The following SERPINB3 variants were observed in gnomAD, a reference collection of about 807,000 sequenced individuals.
SERPINB3 encodes the protein serpin family B member 3.
SERPINB3 carries 33 observed loss-of-function variants against 33.0 expected under a neutral mutation model. The observed-to-expected ratio is 1.00, with a 90% CI of 0.76 to 1.34. The LOEUF is 1.34. Ranked by LOEUF, SERPINB3 falls within the 40% of genes most tolerant of loss-of-function variation. The pLI is 0.00. For synonymous variants in SERPINB3, 200 were observed against 170.9 expected, an observed-to-expected ratio of 1.17 and a Z score of -1.33; for missense variants, 518 against 461.5, an observed-to-expected ratio of 1.12 and a Z score of -1.12.
chr18:63,656,378 C>T (rs982911987), intron 7 of SERPINB3, among the ~76,000 whole-genome samples: 2 of 151,988 alleles, frequency 1.3e-5, no homozygotes, highest in Non-Finnish European at 2.9e-5. Context: ...CTATATATAT[C>T]ACTATTTCTT....
Position 63,656,995 on chromosome 18 carries a change from A to C in SERPINB3, c.613-9T>G, listed in dbSNP as rs1913515300. 3.8e-6 allele frequency: 6 copies of C among 1,594,456 alleles called. No homozygotes were observed. The South Asian group carries it at 4.5e-5, about 12-fold the overall frequency. On this transcript the variant is annotated splice_polypyrimidine_tract_variant and intron_variant, in intron 6 of 7. Coordinates refer to ENST00000283752, the MANE Select transcript of SERPINB3 (RefSeq NM_006919.3). ...ATGGACTTGTATGTATTCTACAATA[A>C]ATCAATGTGTCCAACAAATACCAAG...
At chr18:63,660,904 G>C in intron 2 of SERPINB3, 48 bp from the exon 3 acceptor site, 1 of 1,612,546 alleles carries the variant, frequency 6.2e-7, no homozygotes, top group Non-Finnish European at 8.5e-7. Flanking sequence ...CAAAAGATCT[G>C]TTTAAGTCAG....
At position 63,659,643 on chromosome 18, in the gene SERPINB3, G is replaced by T. The variant is rs893737206; in HGVS notation, c.223-116C>A. On this transcript the variant is annotated intron_variant, in intron 3 of 7. Coordinates refer to ENST00000283752, the MANE Select transcript of SERPINB3 (RefSeq NM_006919.3). The stretch of plus-strand genomic sequence containing the variant: ...TGGTAGTCTCAATGAGGACCTTTGA[G>T]CTTATTCCCTGATACTTGGTGTATT... 63 of 1,378,536 alleles carry T rather than the reference G, an allele frequency of 4.6e-5. No individual in the cohort carries two copies. In the Middle Eastern group the frequency reaches 9.7e-4, roughly 21 times the overall value. The allele number at this position is 1,378,536 out of a possible 1,614,324, so 85.4% of individuals were successfully genotyped here.
At chr18:63,658,438 C>A in intron 5 of SERPINB3, 75 bp downstream of exon 5, 1 of 1,243,474 alleles carries the variant, frequency 8.0e-7, no homozygotes. Flanking sequence ...CCCATGGTCC[C>A]CCATGCAGTT....
chr18:63,658,737 T>G, intron 4 of SERPINB3, 107 bp from the exon 5 acceptor site: 1 of 812,882 alleles, frequency 1.2e-6, no homozygotes. Context: ...AGACCCTGAA[T>G]AGATGCAGTA....
Position 63,661,891 on chromosome 18 carries a change from T to C in SERPINB3, c.-72A>G, listed in dbSNP as rs1416744689. ...GAGGTGGGCAGAGAGGCTATGTGTG[T>C]CTGTGGAATGAAGGGTGAGATCCTG... On this transcript the variant is annotated 5_prime_UTR_variant, in exon 1 of 8. Transcript: ENST00000283752. 5 of 152,522 alleles carry C rather than the reference T, an allele frequency of 3.3e-5. No individual in the cohort carries two copies. In the Admixed American group the frequency reaches 3.3e-4, roughly 10 times the overall value. 9.4% of individuals were successfully genotyped at this position (152,522 alleles called of 1,614,324 possible). A position where few individuals can be genotyped will look rare whatever the true frequency, so the allele number is the denominator to read the frequency against.
intron 5 of SERPINB3, 33 bp downstream of exon 5, chr18:63,658,480 C>G (rs1304656326): frequency 1.3e-6 from 2 of 1,576,438 alleles, no homozygotes; most frequent in Admixed American, 3.3e-5. Flanking sequence ...ATAGATTTCT[C>G]AAAGGTGTTT....
intron 3 of SERPINB3, among the ~76,000 whole-genome samples, chr18:63,660,575 G>T (rs940419239): frequency 6.6e-6 from 1 of 152,058 alleles, no homozygotes; most frequent in African/African-American, 2.4e-5. Context: ...AGCCTATCCT[G>T]ATCCAGACCT....
rs1913482011 is a variant in SERPINB3, at chr18:63,655,879, C to T, written c.951G>A (p.Met317Ile). ...IFNGDADLSG[M>I]TGSRGLVLSG... ...ATAGCACGAGACCGCGGCTCCCGGT[C>T]ATGCCTGAGAGGTCTGCATCCCCAT... The change falls in exon 8 of 8, where the codon ATG becomes ATA. Residue 317 changes from methionine to isoleucine, a missense_variant. Coordinates refer to ENST00000283752, the MANE Select transcript of SERPINB3 (RefSeq NM_006919.3). 2 of 1,613,996 alleles carry T rather than the reference C, an allele frequency of 1.2e-6. No homozygotes were observed. Among genetic ancestry groups the T allele is most frequent in the Middle Eastern group, 1.7e-4 (1 of 6,058 alleles).
chr18:63,655,767 A>T lies in SERPINB3; in HGVS notation c.1063T>A (p.Ser355Thr), dbSNP rs747263941. Residue 355 changes from serine to threonine, a missense_variant, in exon 8 of 8, where the codon TCA becomes ACA. By Grantham distance (58) the Ser-to-Thr change is moderately conservative. Transcript: ENST00000283752. ...AATAVVGFGS[S>T]PTSTNEEFHC... ...AACTCTTCATTAGTTGAAGTAGGTG[A>T]TGATCCGAATCCTACTACAGCGGTG... The T allele has an allele frequency of 3.2e-5, 51 of 1,612,904 alleles. 2 individuals are homozygous for T. In the South Asian group the frequency reaches 5.5e-4, roughly 17 times the overall value.
At position 63,655,396 on chromosome 18, in the gene SERPINB3, T is replaced by C. The variant is rs1372453484; in HGVS notation, c.*261A>G. 4.8e-6 allele frequency: 2 copies of C among 414,562 alleles called. No individual in the cohort carries two copies. The highest frequency in any genetic ancestry group is 4.0e-5 in the African/African-American group (2 of 50,458). The allele number at this position is 414,562 out of a possible 1,614,324, so 25.7% of individuals were successfully genotyped here. A position where few individuals can be genotyped will look rare whatever the true frequency, so the allele number is the denominator to read the frequency against. ...TATATTTCAAATTTAGAAGATACGG[T>C]ATTAAGTGATTCATCTTATTTTGGA... On this transcript the variant is annotated 3_prime_UTR_variant, in exon 8 of 8. Coordinates refer to ENST00000283752, the MANE Select transcript of SERPINB3 (RefSeq NM_006919.3).
Position 63,657,318 on chromosome 18 carries a change from C to A in SERPINB3, c.564G>T (p.Lys188Asn), listed in dbSNP as rs150385073. 853 of 1,606,876 alleles carry A rather than the reference C, an allele frequency of 5.3e-4. 4 individuals carry two copies. The African/African-American group carries it at 8.6e-3, about 16-fold the overall frequency. ...NAIYFKGQWE[K>N]KFNKEDTKEE... The stretch of plus-strand genomic sequence containing the variant: ...CTTTAGTATCTTCTTTATTAAATTT[C>A]TTCTCCCACTGCCCTTTGAAATAGA... The change falls in exon 6 of 8, where the codon AAG (lysine) becomes AAT (asparagine). Residue 188 changes from lysine to asparagine, a missense_variant. By Grantham distance (94) the Lys-to-Asn change is moderately conservative. Coordinates refer to ENST00000283752, the MANE Select transcript of SERPINB3 (RefSeq NM_006919.3).
chr18:63,656,535 A>G (rs1468918288), intron 7 of SERPINB3, among the ~76,000 whole-genome samples: 1 of 152,138 alleles, frequency 6.6e-6, no homozygotes. Context: ...GTATTCGTAA[A>G]CTTTCCTCAC....
At position 63,658,563 on chromosome 18, in the gene SERPINB3, G is replaced by A. The variant is rs1344629237; in HGVS notation, c.419C>T (p.Pro140Leu). The change falls in exon 5 of 8, where the codon CCA becomes CTA. Residue 140 changes from proline to leucine, a missense_variant. Physicochemically the swap from Pro to Leu is moderately conservative, Grantham distance 98 (BLOSUM62 -3). Coordinates refer to ENST00000283752, the MANE Select transcript of SERPINB3 (RefSeq NM_006919.3). ...GTTAATCTTCTTTCGACTTTCTTCT[G>A]GAGCATTTGCAAAATCAACAGATTC... ...SVESVDFANA[P>L]EESRKKINSW... is the part of the protein sequence containing the mutation. The A allele has an allele frequency of 6.2e-7, 1 of 1,613,104 alleles. No individual in the cohort carries two copies. The highest frequency in any genetic ancestry group is 8.5e-7 in the Non-Finnish European group (1 of 1,179,474).
chr18:63,658,850 G>T (rs1913567362), intron 4 of SERPINB3, among the ~76,000 whole-genome samples: 1 of 152,136 alleles, frequency 6.6e-6, no homozygotes, highest in Non-Finnish European at 1.5e-5. Flanking sequence ...ATATCATCTG[G>T]CAAAAGGCAG....
At position 63,657,373 on chromosome 18, in the gene SERPINB3, C is replaced by T. The variant is rs143773046; in HGVS notation, c.509G>A (p.Ser170Asn). ...GTTCACAAGAACCAATGTGGTATTG[C>T]TGCCAATATTACCTTCAGGAATTAG... is the stretch of plus-strand genomic sequence containing the variant. ...KNLIPEGNIG[S>N]NTTLVLVNAI... The change falls in exon 6 of 8, where the codon AGC becomes AAC. Residue 170 changes from serine to asparagine, a missense_variant. Transcript: ENST00000283752. The T allele has an allele frequency of 4.3e-5, 70 of 1,609,614 alleles. No individual in the cohort carries two copies. In the African/African-American group the frequency reaches 8.8e-4, roughly 20 times the overall value.
In SERPINB3 at chr18:63,659,498, C is replaced by T. The variant is rs752063235; in HGVS notation, c.252G>A (p.Gln84=). ...HVDRSGNVHH[Q]FQKLLTEFNK... Reference sequence around the variant, plus strand: ...TGAATTCAGTCAGAAGCTTTTGAAACTGGTGATGAACATTTCCTGACCTAT... The same window carrying T: ...TGAATTCAGTCAGAAGCTTTTGAAATTGGTGATGAACATTTCCTGACCTAT... Residue 84 remains glutamine, a synonymous_variant, in exon 4 of 8, where the codon CAG becomes CAA. Transcript: ENST00000283752. The T allele has an allele frequency of 3.1e-6, 5 of 1,613,612 alleles. No individual in the cohort carries two copies. The highest frequency in any genetic ancestry group is 1.1e-5 in the South Asian group (1 of 91,070).
chr18:63,657,220 G>A (rs1913521431), intron 6 of SERPINB3, 50 bp downstream of exon 6: 2 of 1,065,966 alleles, frequency 1.9e-6, no homozygotes, highest in Non-Finnish European at 2.6e-6. Flanking sequence ...CATCAGAAAT[G>A]TTTAAATTTA....
rs752972169 is a variant in SERPINB3, at chr18:63,660,873, G to A, written c.166-17C>T. 2 of 1,613,090 alleles carry A rather than the reference G, an allele frequency of 1.2e-6. No individual in the cohort carries two copies. The highest frequency in any genetic ancestry group is 1.3e-5 in the African/African-American group (1 of 74,856). ...GTGAAGAACCTGGAAGAGACATGAA[G>A]CGGGACAAGAAAACTTTACTCAAAA... On this transcript the variant is annotated splice_polypyrimidine_tract_variant and intron_variant, in intron 2 of 7. Transcript: ENST00000283752.
Sources: gnomAD v4.1 joint callset for allele counts (sites outside exome capture counted in the v4.1 genomes callset) on GRCh38, gnomAD v4.1.1 for gene constraint, MANE v1.5 for transcripts, NCBI Gene and HGNC (gene_info 2026-07-23, HGNC 2026-07-21) for gene names.